NRDC: variants seen among roughly 807,000 people sequenced by gnomAD.
The protein encoded by NRDC is nardilysin convertase, also known as nardilysin.
NRDC carries 54 observed loss-of-function variants against 147.1 expected under a neutral mutation model. The observed-to-expected ratio is 0.37, with a 90% CI of 0.29 to 0.46. The LOEUF (loss-of-function observed/expected upper bound fraction) is 0.46, where lower values mean the gene tolerates loss of function less well. Among genes scored for constraint, NRDC ranks in the 20% least tolerant of loss-of-function variants. The probability of loss-of-function intolerance (pLI) is 1.00; values close to 1 mark genes in which losing one functional copy is unlikely to be tolerated. For missense variants in NRDC, 1,082 were observed against 1,370.6 expected (o/e 0.79, Z 3.33); for synonymous variants, 440 against 482.1 (o/e 0.91, Z 1.14).
intron 1 of NRDC, among the ~76,000 whole-genome samples, chr1:51,854,485 G>A (rs774852945): frequency 2.6e-5 from 4 of 152,232 alleles, no homozygotes; most frequent in Non-Finnish European, 4.4e-5. Context: ...ATTGATGGGT[G>A]ACAAAAGATG....
At chr1:51,789,778 T>G in intron 29 of NRDC, 121 bp from the exon 30 acceptor site, 1 of 698,494 alleles carries the variant, frequency 1.4e-6, no homozygotes, top group South Asian at 1.7e-5. Context: ...ATTCTTCCTA[T>G]TCTCAGGTTA....
chr1:51,878,291 C>T lies in NRDC; in HGVS notation c.325G>A (p.Asp109Asn). The T allele has an allele frequency of 6.2e-7, 1 of 1,613,084 alleles. No individual in the cohort carries two copies. Among genetic ancestry groups the T allele is most frequent in the Non-Finnish European group, 8.5e-7 (1 of 1,179,250 alleles). Residue 109 changes from aspartate (D) to asparagine (N), a missense_variant, in exon 1 of 31, where the codon GAC becomes AAC. Transcript: ENST00000352171. ...GDPEIVKSPS[D>N]PKQYRYIKLQ... ...CTCCCTCACCGGTATTGCTTGGGGT[C>T]GCTGGGAGACTTGACGATCTCAGGG...
chr1:51,836,446 A>T (rs767796496), intron 2 of NRDC: 1 of 1,613,332 alleles, frequency 6.2e-7, no homozygotes, highest in Admixed American at 1.7e-5. Flanking sequence ...GACCTAAGGA[A>T]AAAAAGCAGA....
intron 21 of NRDC, 83 bp downstream of exon 21, chr1:51,800,473 T>C (rs2149191879): frequency 6.8e-7 from 1 of 1,462,588 alleles, no homozygotes; most frequent in Admixed American, 1.9e-5. Context: ...ACTGCAACTA[T>C]AGCCTTAACC....
intron 1 of NRDC, among the ~76,000 whole-genome samples, chr1:51,873,033 T>C (rs1209429843): frequency 6.6e-6 from 1 of 152,202 alleles, no homozygotes; most frequent in Non-Finnish European, 1.5e-5. Context: ...TTTAGCAATA[T>C]TTGTGTGTCT....
Position 51,789,393 on chromosome 1 carries a change from G to T in NRDC, c.3299C>A (p.Thr1100Asn), listed in dbSNP as rs1571828874. 5.6e-6 allele frequency: 9 copies of T among 1,614,034 alleles called. No homozygotes were observed. In the South Asian group the frequency reaches 9.9e-5, roughly 18 times the overall value. ...AGAATTTGAATCCTCACTAGAAGGG[G>T]TACCATCCTCTTCCAGTTCATACTT... is the stretch of plus-strand genomic sequence containing the variant. ...YGKYELEEDG[T>N]PSSEDSNSSC... The change falls in exon 31 of 31, where the codon ACC becomes AAC. Residue 1100 changes from threonine (T) to asparagine (N), a missense_variant. This residue lies in a region of NRDC where 187 missense variants were observed against 193.6 expected (regional missense o/e 0.97). Transcript: ENST00000352171.
At chr1:51,836,495 A>G in intron 2 of NRDC, 1 of 1,405,464 alleles carries the variant, frequency 7.1e-7, no homozygotes, top group Non-Finnish European at 1.0e-6. Context: ...TGGACAGCCC[A>G]CCCAAATATC....
chr1:51,796,608 C>T (rs1163746515), intron 22 of NRDC, among the ~76,000 whole-genome samples: 2 of 136,342 alleles, frequency 1.5e-5, no homozygotes, highest in African/African-American at 2.7e-5. Context: ...TTTTTTTAGA[C>T]GAGGAGTCTC....
At position 51,791,612 on chromosome 1, in the gene NRDC, A is replaced by C. The variant is rs1253224325; in HGVS notation, c.2926T>G (p.Ser976Ala). Residue 976 changes from serine (S) to alanine (A), a missense_variant, in exon 27 of 31, where the codon TCT (serine) becomes GCT (alanine). By Grantham distance (99) the Ser-to-Ala change is moderately conservative. Around this residue, in one of 3 missense-constraint regions of NRDC, gnomAD observed 635 missense variants for 923.8 expected, o/e 0.69. Transcript: ENST00000352171. ...CRNTSGILGF[S>A]VTVGTQATKY... ...GTTGCCTGAGTCCCCACAGTGACAG[A>C]AAATCCTAGAATCCCGGATGTGTTC... 6.2e-7 allele frequency: 1 copy of C among 1,613,992 alleles called. No homozygotes were observed. Among genetic ancestry groups the C allele is most frequent in the Admixed American group, 1.7e-5 (1 of 60,026 alleles).
At chr1:51,793,267 C>G (rs769445359) in intron 24 of NRDC, among the ~76,000 whole-genome samples, 4 of 152,154 alleles carry the variant, frequency 2.6e-5, no homozygotes, top group Non-Finnish European at 2.9e-5. Flanking sequence ...ATGTGAAATC[C>G]TGCCGAAAAT....
chr1:51,811,222 G>C (rs550684158), intron 15 of NRDC, among the ~76,000 whole-genome samples: 1 of 152,228 alleles, frequency 6.6e-6, no homozygotes, highest in Admixed American at 6.5e-5. Flanking sequence ...TAATAGTTTA[G>C]GAACGTCTAT....
chr1:51,810,534 A>C (rs767042685), intron 15 of NRDC, 130 bp from the exon 16 acceptor site: 5 of 733,604 alleles, frequency 6.8e-6, no homozygotes, highest in African/African-American at 1.8e-5. Flanking sequence ...CAGTTCATGA[A>C]CACCCTAATT....
At chr1:51,817,655 C>T (rs1378548378) in intron 10 of NRDC, among the ~76,000 whole-genome samples, 1 of 152,194 alleles carries the variant, frequency 6.6e-6, no homozygotes, top group Admixed American at 6.5e-5. Context: ...AATTCTCGTG[C>T]CTCAGCCACC....
intron 20 of NRDC, among the ~76,000 whole-genome samples, chr1:51,803,016 C>T (rs1679280788): frequency 6.6e-6 from 1 of 152,060 alleles, no homozygotes; most frequent in African/African-American, 2.4e-5. Context: ...ATATTTCTCA[C>T]TAAGAGATTA....
intron 1 of NRDC, among the ~76,000 whole-genome samples, chr1:51,870,600 A>G (rs746257912): frequency 3.3e-5 from 5 of 152,094 alleles, no homozygotes; most frequent in Admixed American, 6.6e-5. Flanking sequence ...CTTTACAAAT[A>G]AGAGGGGAAA....
At position 51,821,575 on chromosome 1, in the gene NRDC, G is replaced by C. The variant is rs1331013411; in HGVS notation, c.1160-20C>G. 1.3e-6 allele frequency: 2 copies of C among 1,531,826 alleles called. No homozygotes were observed. Among genetic ancestry groups the C allele is most frequent in the Non-Finnish European group, 1.8e-6 (2 of 1,106,600 alleles). The allele number at this position is 1,531,826 out of a possible 1,614,324, so 94.9% of individuals were successfully genotyped here. A position where few individuals can be genotyped will look rare whatever the true frequency, so the allele number is the denominator to read the frequency against. ...GTGTTTCTTGAGAGGGGAGGGCAGG[G>C]AAGAGACAGGAAAATGCAATGACAT... is the stretch of plus-strand genomic sequence containing the variant. On this transcript the variant is annotated intron_variant, in intron 7 of 30. Coordinates refer to ENST00000352171, the MANE Select transcript of NRDC (RefSeq NM_001101662.2).
chr1:51,848,993 A>G (rs890194893), intron 1 of NRDC, among the ~76,000 whole-genome samples: 5 of 152,228 alleles, frequency 3.3e-5, no homozygotes, highest in Non-Finnish European at 7.3e-5. Flanking sequence ...AGACCTCACT[A>G]AACAGTCATA....
chr1:51,826,094 AT>A (rs1004842901), intron 5 of NRDC, among the ~76,000 whole-genome samples: 2 of 152,198 alleles, frequency 1.3e-5, no homozygotes, highest in African/African-American at 4.8e-5. Flanking sequence ...CAGTTCTTTG[AT>A]CTTGGACTTC....
intron 1 of NRDC, 41 bp downstream of exon 1, chr1:51,878,234 G>GTC: frequency 1.3e-6 from 2 of 1,565,902 alleles, no homozygotes; most frequent in Non-Finnish European, 1.7e-6. Flanking sequence ...CAGAGAAGCC[G>GTC]GCACACTGTT....
Sources: gnomAD v4.1 joint callset for allele counts (sites outside exome capture counted in the v4.1 genomes callset) on GRCh38, gnomAD v4.1.1 for gene constraint, gnomAD v4.1.1 regional missense constraint, MANE v1.5 for transcripts, NCBI Gene and HGNC (gene_info 2026-07-23, HGNC 2026-07-21) for gene names.